SH3PXD2B: variants seen among roughly 807,000 people sequenced by gnomAD.
SH3PXD2B encodes SH3 and PX domain-containing protein 2B.
Under a neutral mutation model 73.1 loss-of-function variants are expected in SH3PXD2B, and 37 were observed. The observed-to-expected ratio is 0.51, with a 90% CI of 0.39 to 0.67. SH3PXD2B has a LOEUF of 0.67. Ranked by LOEUF, SH3PXD2B falls within the 30% of genes least tolerant of loss-of-function variation. SH3PXD2B has a pLI of 0.00. For synonymous variants in SH3PXD2B, 457 were observed against 480.5 expected (o/e 0.95, Z 0.64); for missense variants, 1,053 against 1,197.8 (o/e 0.88, Z 1.78).
intron 1 of SH3PXD2B, among the ~76,000 whole-genome samples, chr5:172,440,107 T>A (rs944028173): frequency 6.6e-6 from 1 of 152,170 alleles, no homozygotes; most frequent in Non-Finnish European, 1.5e-5. Context: ...CAGAGGAGCC[T>A]GGGCAATGAA....
chr5:172,434,672 A>C (rs1428422805), intron 1 of SH3PXD2B, among the ~76,000 whole-genome samples: 5 of 152,200 alleles, frequency 3.3e-5, no homozygotes, highest in African/African-American at 1.2e-4. Context: ...TAGGGTTGTC[A>C]AAGAATCCAG....
chr5:172,385,933 AG>A (rs1758051463), intron 4 of SH3PXD2B, among the ~76,000 whole-genome samples: 1 of 152,238 alleles, frequency 6.6e-6, no homozygotes, highest in Non-Finnish European at 1.5e-5. Context: ...GAAAGACTCC[AG>A]GATAGTCCTA....
At chr5:172,393,643 T>C (rs1330783798) in intron 4 of SH3PXD2B, among the ~76,000 whole-genome samples, 2 of 152,192 alleles carry the variant, frequency 1.3e-5, no homozygotes, top group African/African-American at 4.8e-5. Flanking sequence ...GGGGAGATTG[T>C]TCACTGCTCC....
rs1172191729 is a variant in SH3PXD2B, at chr5:172,394,608, C to A, written c.264G>T (p.Arg88=). 1.2e-6 allele frequency: 2 copies of A among 1,614,020 alleles called. No homozygotes were observed. The highest frequency in any genetic ancestry group is 2.7e-5 in the African/African-American group (2 of 74,930). Reference sequence around the variant, plus strand: ...GTATCAGGCGTTTGACAGCCACGTCCCGGATGTGGCTTCGTCTGAAGAGAA... The same window carrying A: ...GTATCAGGCGTTTGACAGCCACGTCACGGATGTGGCTTCGTCTGAAGAGAA... ...GKILFRRSHI[R]DVAVKRLIPI... is the part of the protein sequence containing the mutation. Residue 88 remains arginine, a synonymous_variant, in exon 4 of 13, where the codon CGG becomes CGT. Coordinates refer to ENST00000311601, the MANE Select transcript of SH3PXD2B (RefSeq NM_001017995.3).
Position 172,454,296 on chromosome 5 carries a change from C to T in SH3PXD2B, c.57G>A (p.Arg19=). Residue 19 remains arginine (R), a synonymous_variant, in exon 1 of 13, where the codon CGG becomes CGA. Transcript: ENST00000311601. ...CACTCACATAATGCTTGTTGGGCAC[C>T]CGCCGCTTCTGCACGTCTAGCACCT... ...EVKVLDVQKR[R]VPNKHYVYII... 1 of 1,602,256 alleles carries T rather than the reference C, an allele frequency of 6.2e-7. No individual in the cohort carries two copies. The highest frequency in any genetic ancestry group is 8.5e-7 in the Non-Finnish European group (1 of 1,176,904).
intron 12 of SH3PXD2B, among the ~76,000 whole-genome samples, chr5:172,325,595 G>A (rs1756432829): frequency 6.6e-6 from 1 of 152,182 alleles, no homozygotes; most frequent in South Asian, 2.1e-4. Context: ...GGGTCCTCAC[G>A]TGGTGAAAGG....
chr5:172,348,389 C>T (rs73321639), intron 10 of SH3PXD2B, among the ~76,000 whole-genome samples: 5,511 of 151,714 alleles, frequency 0.036, 341 homozygotes, highest in African/African-American at 0.13. Flanking sequence ...CAATGCACTG[C>T]TTTTCATTGG....
chr5:172,435,203 G>A (rs1013287076), intron 1 of SH3PXD2B, among the ~76,000 whole-genome samples: 1 of 152,136 alleles, frequency 6.6e-6, no homozygotes, highest in Non-Finnish European at 1.5e-5. Flanking sequence ...TTTTTAGCAA[G>A]TGCTACTACT....
chr5:172,451,365 G>A (rs1759793310), intron 1 of SH3PXD2B, among the ~76,000 whole-genome samples: 1 of 152,174 alleles, frequency 6.6e-6, no homozygotes, highest in Non-Finnish European at 1.5e-5. Context: ...GGCTGGGGTG[G>A]GAATGTGTGT....
At chr5:172,368,109 C>T (rs1303192397) in intron 6 of SH3PXD2B, among the ~76,000 whole-genome samples, 2 of 152,154 alleles carry the variant, frequency 1.3e-5, no homozygotes, top group Admixed American at 1.3e-4. Flanking sequence ...CCTGTTTCTA[C>T]TGCAGGGAAT....
At chr5:172,384,713 T>G (rs1393734545) in intron 4 of SH3PXD2B, among the ~76,000 whole-genome samples, 2 of 152,242 alleles carry the variant, frequency 1.3e-5, no homozygotes, top group African/African-American at 4.8e-5. Flanking sequence ...CTGAGTAATA[T>G]TCCATTGTCT....
At chr5:172,325,243 C>G (rs748574167) in exon 13 of SH3PXD2B, 5 of 1,456,542 alleles carry the variant, frequency 3.4e-6, no homozygotes, top group Non-Finnish European at 4.6e-6. Context: ...TTAGCAAATT[C>G]ATGTTCACAG....
chr5:172,327,555 C>A (rs1204133219), intron 12 of SH3PXD2B, among the ~76,000 whole-genome samples: 1 of 152,132 alleles, frequency 6.6e-6, no homozygotes, highest in African/African-American at 2.4e-5. Context: ...CAATACATAA[C>A]AAATCAACTA....
Position 172,340,169 on chromosome 5 carries a change from C to T in SH3PXD2B, c.1189-253G>A, listed in dbSNP as rs563977209. Among the ~76,000 whole-genome samples, 9 of 152,204 alleles carry T rather than the reference C, an allele frequency of 5.9e-5. No homozygotes were observed. The East Asian group carries it at 9.7e-4, about 16-fold the overall frequency. On this transcript the variant is annotated intron_variant, in intron 12 of 12. Transcript: ENST00000311601. ...TGAGATGTGGCCTTGGGTATAGGTA[C>T]TTAATTTGAGAGTTGGTCCTAGGAA...
rs1161015131 is a variant in SH3PXD2B at position 172,336,500 on chromosome 5, C to T, written c.*1869G>A. ...AGATGCTACAGGTGATCAGAGGAAG[C>T]TCCTCACGCAGAAGCAGCCAGCACC... On this transcript the variant is annotated 3_prime_UTR_variant, in exon 13 of 13. Coordinates refer to ENST00000311601, the MANE Select transcript of SH3PXD2B (RefSeq NM_001017995.3). 1.2e-5 allele frequency: 12 copies of T among 983,932 alleles called. No homozygotes were observed. Among genetic ancestry groups the T allele is most frequent in the Non-Finnish European group, 1.4e-5 (12 of 829,744 alleles). The allele number at this position is 983,932 out of a possible 1,614,324, so 61.0% of individuals were successfully genotyped here.
chr5:172,438,349 C>T (rs143201288), intron 1 of SH3PXD2B, among the ~76,000 whole-genome samples: 1 of 152,192 alleles, frequency 6.6e-6, no homozygotes, highest in Non-Finnish European at 1.5e-5. Flanking sequence ...CTTTGCATTA[C>T]TGCACCCCCA....
chr5:172,398,637 A>T lies in SH3PXD2B; in HGVS notation c.233-3998T>A, dbSNP rs145371591. On this transcript the variant is annotated intron_variant, in intron 3 of 12. Transcript: ENST00000311601. ...AATATTTAGGAATGGTGGTCGATAA[A>T]CAACATATTCAACCTCAAAAAGTTC... Among the ~76,000 whole-genome samples the T allele has an allele frequency of 3.8e-4, 58 of 152,360 alleles. 1 individual carries two copies. The East Asian group carries it at 0.01, about 27-fold the overall frequency.
intron 1 of SH3PXD2B, among the ~76,000 whole-genome samples, chr5:172,426,942 G>A (rs918443465): frequency 1.3e-5 from 2 of 152,224 alleles, no homozygotes; most frequent in African/African-American, 4.8e-5. Flanking sequence ...TTGATTTGGT[G>A]TCTGTTACTT....
In SH3PXD2B at chr5:172,338,707, C is replaced by A; in HGVS notation, c.2398G>T (p.Val800Phe). 1.2e-6 allele frequency: 2 copies of A among 1,614,148 alleles called. No homozygotes were observed. The highest frequency in any genetic ancestry group is 2.7e-5 in the African/African-American group (2 of 75,044). Residue 800 changes from valine (V) to phenylalanine (F), a missense_variant, in exon 13 of 13, where the codon GTC (valine) becomes TTC (phenylalanine). Physicochemically the swap from Val to Phe is conservative, Grantham distance 50 (BLOSUM62 -1). Transcript: ENST00000311601. The surrounding 1 kb of genome is among the most constrained non-coding windows in gnomAD (Gnocchi z 5.1). ...AGAAAAGGTTTGGCTTTTGGAGGGA[C>A]GAGGAGAGCACGGCCTGGGGTGGGA... is the stretch of plus-strand genomic sequence containing the variant. Reference protein sequence around the residue: ...AAPTPGRALLVPPKAKPFLSN... With the variant: ...AAPTPGRALLFPPKAKPFLSN...
Sources: allele counts gnomAD v4.1 joint callset (sites outside exome capture counted in the v4.1 genomes callset), GRCh38; gene constraint gnomAD v4.1.1; non-coding constraint Gnocchi (gnomAD v3.1); transcripts MANE v1.5; gene names NCBI Gene and HGNC (gene_info 2026-07-23, HGNC 2026-07-21).